NPAS3: variants seen among roughly 807,000 people sequenced by gnomAD.
NPAS3 encodes the protein neuronal PAS domain protein 3.
In NPAS3, 14 loss-of-function variants were observed where a neutral mutation model predicts 73.1. The observed-to-expected ratio is 0.19, with a 90% confidence interval of 0.13 to 0.30. The LOEUF is 0.30. NPAS3 is among the 10% of genes least tolerant of loss of function. The pLI, the probability that NPAS3 is intolerant of heterozygous loss-of-function variation, is 1.00. For synonymous variants in NPAS3, 620 were observed against 541.5 expected (o/e 1.14, Z -2.01); for missense variants, 1,096 against 1,250.0 (o/e 0.88, Z 1.86).
At chr14:33,359,064 G>T (rs1299818433) in intron 3 of NPAS3, among the ~76,000 whole-genome samples, 1 of 152,308 alleles carries the variant, frequency 6.6e-6, no homozygotes. Context: ...CAGGAAGCAA[G>T]TTACTGAGCA....
At chr14:33,179,823 T>C (rs1271592651) in intron 2 of NPAS3, among the ~76,000 whole-genome samples, 1 of 152,180 alleles carries the variant, frequency 6.6e-6, no homozygotes, top group Non-Finnish European at 1.5e-5. Flanking sequence ...AAGAAAATCT[T>C]TTAAATTCTA....
At chr14:33,583,468 G>T (rs890170141) in intron 5 of NPAS3, 1 of 152,064 alleles carries the variant, frequency 6.6e-6, no homozygotes, top group Admixed American at 6.6e-5. Context: ...TTTAATAAAG[G>T]TATATCTTTC....
intron 3 of NPAS3, among the ~76,000 whole-genome samples, chr14:33,258,564 G>T (rs1322752994): frequency 2.0e-5 from 3 of 152,136 alleles, no homozygotes; most frequent in African/African-American, 4.8e-5. Flanking sequence ...CTGAAGAAAA[G>T]AATTCTTTAG....
Position 33,226,578 on chromosome 14 carries a change from A to G in NPAS3, c.385+11152A>G, listed in dbSNP as rs557957233. ...AATAAATGTGGCTAAATTATATAAC[A>G]TAATATAATTTTCATAACTTACACT... On this transcript the variant is annotated intron_variant, in intron 3 of 11. Coordinates refer to ENST00000356141, the Ensembl canonical transcript of NPAS3. Among the ~76,000 whole-genome samples the G allele has an allele frequency of 3.3e-5, 5 of 152,314 alleles. No homozygotes were observed. The South Asian group carries it at 6.2e-4, about 19-fold the overall frequency.
intron 3 of NPAS3, among the ~76,000 whole-genome samples, chr14:33,277,717 A>C (rs909042331): frequency 6.6e-6 from 1 of 152,086 alleles, no homozygotes; most frequent in Non-Finnish European, 1.5e-5. Context: ...GGCTTGATGG[A>C]ATCTGGGAAA....
chr14:33,633,315 C>G (rs2038667287), intron 5 of NPAS3, among the ~76,000 whole-genome samples: 2 of 152,104 alleles, frequency 1.3e-5, no homozygotes, highest in African/African-American at 4.8e-5. Flanking sequence ...ACTAATACCA[C>G]CTGTATCTAT....
intron 5 of NPAS3, among the ~76,000 whole-genome samples, chr14:33,572,626 G>A (rs989657716): frequency 6.6e-6 from 1 of 152,264 alleles, no homozygotes; most frequent in African/African-American, 2.4e-5. Flanking sequence ...AGGAACGCTA[G>A]TTACCTCTGG....
At chr14:33,671,705 T>C (rs957348485) in intron 5 of NPAS3, among the ~76,000 whole-genome samples, 5 of 152,204 alleles carry the variant, frequency 3.3e-5, no homozygotes, top group Non-Finnish European at 7.3e-5. Context: ...GTAAGTAAGT[T>C]CTCTTCCAGA....
At chr14:33,763,626 C>A (rs536336566) in intron 7 of NPAS3, among the ~76,000 whole-genome samples, 9 of 152,318 alleles carry the variant, frequency 5.9e-5, no homozygotes, top group African/African-American at 2.2e-4. Context: ...CAAACAGGAA[C>A]TACATGTTGT....
intron 1 of NPAS3, among the ~76,000 whole-genome samples, chr14:32,949,118 A>T (rs1004135207): frequency 6.6e-6 from 1 of 152,110 alleles, no homozygotes; most frequent in African/African-American, 2.4e-5. Flanking sequence ...TTCTAAGTAC[A>T]TGCTACAGCC....
intron 3 of NPAS3, among the ~76,000 whole-genome samples, chr14:33,349,701 G>T (rs2044935024): frequency 6.6e-6 from 1 of 152,068 alleles, no homozygotes; most frequent in South Asian, 2.1e-4. Context: ...AAATCATTTT[G>T]TACATTACGA....
intron 2 of NPAS3, among the ~76,000 whole-genome samples, chr14:33,092,505 G>A (rs961103300): frequency 3.3e-5 from 5 of 152,192 alleles, no homozygotes; most frequent in Non-Finnish European, 5.9e-5. Context: ...CATGGTCGTG[G>A]ATAGGAAGAA....
At chr14:33,116,244 A>T (rs2043060905) in intron 2 of NPAS3, among the ~76,000 whole-genome samples, 1 of 152,136 alleles carries the variant, frequency 6.6e-6, no homozygotes, top group Non-Finnish European at 1.5e-5. Context: ...GATAATTTAG[A>T]AGTTAAACAG....
At chr14:33,652,626 C>T (rs757665993) in intron 5 of NPAS3, among the ~76,000 whole-genome samples, 20 of 152,186 alleles carry the variant, frequency 1.3e-4, no homozygotes, top group South Asian at 4.1e-4. Flanking sequence ...CGAAGCAAAA[C>T]GAGATGAGGG....
chr14:33,603,347 G>C (rs2057458467), intron 5 of NPAS3, among the ~76,000 whole-genome samples: 1 of 152,186 alleles, frequency 6.6e-6, no homozygotes, highest in South Asian at 2.1e-4. Context: ...TCAGTGAGCT[G>C]GGGGACAACT....
chr14:33,379,604 C>G (rs1330906263), intron 4 of NPAS3, among the ~76,000 whole-genome samples: 1 of 152,112 alleles, frequency 6.6e-6, no homozygotes. Flanking sequence ...ACCCAAAACT[C>G]AGTCAGTATG....
intron 2 of NPAS3, among the ~76,000 whole-genome samples, chr14:33,157,080 C>T (rs1361891128): frequency 1.3e-5 from 2 of 152,172 alleles, no homozygotes; most frequent in Non-Finnish European, 2.9e-5. Context: ...GAATATAGCA[C>T]TCAAACCATC....
intron 4 of NPAS3, among the ~76,000 whole-genome samples, chr14:33,556,585 A>T (rs1006523859): frequency 2.0e-5 from 3 of 152,240 alleles, no homozygotes; most frequent in African/African-American, 7.2e-5. Flanking sequence ...CACTGTTGAG[A>T]AATTCAGTGA....
At chr14:33,402,383 G>T (rs992177004) in intron 4 of NPAS3, among the ~76,000 whole-genome samples, 9 of 152,020 alleles carry the variant, frequency 5.9e-5, no homozygotes, top group African/African-American at 2.2e-4. Context: ...TGGAAAAGCG[G>T]TACTTTTTGG....
Sources: allele counts gnomAD v4.1 joint callset (sites outside exome capture counted in the v4.1 genomes callset), GRCh38; gene constraint gnomAD v4.1.1; transcripts MANE v1.5; gene names NCBI Gene and HGNC (gene_info 2026-07-23, HGNC 2026-07-21).